Variants in FMN1 observed in about 807,000 individuals in gnomAD.
FMN1 encodes formin 1.
A neutral mutation model predicts 132.4 loss-of-function variants in FMN1; 110 were observed. That is an observed-to-expected ratio of 0.83 (90% CI 0.71 to 0.97). The LOEUF is 0.97. Among genes scored for constraint, FMN1 ranks in the 50% least tolerant of loss-of-function variants. The pLI is 0.00. For synonymous variants in FMN1, 722 were observed against 651.7 expected (o/e 1.11, Z -1.64); for missense variants, 1,792 against 1,705.3 (o/e 1.05, Z -0.90).
intron 19 of FMN1, among the ~76,000 whole-genome samples, chr15:32,788,600 C>G (rs536172878): frequency 7.4e-4 from 113 of 152,298 alleles, no homozygotes; most frequent in African/African-American, 2.6e-3. Flanking sequence ...ACCCAGGCAG[C>G]CCCCTGTTGC....
At chr15:32,934,812 G>A (rs1193670518) in intron 9 of FMN1, among the ~76,000 whole-genome samples, 1 of 151,652 alleles carries the variant, frequency 6.6e-6, no homozygotes, top group African/African-American at 2.4e-5. Context: ...TCACCATGTG[G>A]GCCAGGCTGG....
intron 4 of FMN1, among the ~76,000 whole-genome samples, chr15:33,117,936 GA>G (rs905787620): frequency 3.9e-5 from 6 of 152,118 alleles, no homozygotes; most frequent in Admixed American, 3.3e-4. Flanking sequence ...TGGCAGTACG[GA>G]AGAGAAATAA....
chr15:32,890,797 G>A (rs1279432450), intron 15 of FMN1, among the ~76,000 whole-genome samples: 1 of 152,126 alleles, frequency 6.6e-6, no homozygotes, highest in Non-Finnish European at 1.5e-5. Context: ...TGGGTTCTTG[G>A]TCATGAAATC....
chr15:32,933,432 T>C (rs1312210046), intron 9 of FMN1, among the ~76,000 whole-genome samples: 1 of 152,190 alleles, frequency 6.6e-6, no homozygotes, highest in Admixed American at 6.5e-5. Flanking sequence ...TTGAGAAGAA[T>C]GTGTTTCAAA....
rs559277570 is a variant in FMN1 at position 33,157,869 on chromosome 15, A to G, written c.-131-2824T>C. Among the ~76,000 whole-genome samples, 3 of 151,778 alleles carry G rather than the reference A, an allele frequency of 2.0e-5. No individual in the cohort carries two copies. The South Asian group carries it at 6.3e-4, about 32-fold the overall frequency. ...AGCTGGGAATGTGGTGCAAGCCTGT[A>G]CTCCCAGCTGCTAGTGAGGCTGAGG... On this transcript the variant is annotated intron_variant, in intron 3 of 20. Transcript: ENST00000616417.
At chr15:33,100,335 C>T (rs938654204) in intron 4 of FMN1, among the ~76,000 whole-genome samples, 1 of 151,008 alleles carries the variant, frequency 6.6e-6, no homozygotes, top group Non-Finnish European at 1.5e-5. Flanking sequence ...TAAGATAACA[C>T]AGGGAAGCTA....
In FMN1 at chr15:33,142,845, T is replaced by C. The variant is rs1402427002; in HGVS notation, c.1867+10203A>G. ...TACAGGTCCCTGCCTGGCCTTCTAG[T>C]TCACCAATGTGTTGGGCTATAAAAT... On this transcript the variant is annotated intron_variant, in intron 4 of 20. Transcript: ENST00000616417. Among the ~76,000 whole-genome samples the C allele has an allele frequency of 4.6e-5, 7 of 152,328 alleles. No homozygotes were observed. In the East Asian group the frequency reaches 1.2e-3, roughly 25 times the overall value.
In FMN1 at chr15:33,154,950, G is replaced by A. The variant is rs1273141424; in HGVS notation, c.-36C>T. On this transcript the variant is annotated 5_prime_UTR_variant, in exon 4 of 21. Coordinates refer to ENST00000616417, the MANE Select transcript of FMN1 (RefSeq NM_001277313.2). ...TAATTATTCATGCCTTGGAGATGCC[G>A]GTTTGTGGTCAGGCTTCCCAGGCTC... The A allele has an allele frequency of 4.9e-5, 73 of 1,485,574 alleles. No homozygotes were observed. The highest frequency in any genetic ancestry group is 6.1e-5 in the Non-Finnish European group (68 of 1,119,996). The allele number at this position is 1,485,574 out of a possible 1,614,324, so 92.0% of individuals were successfully genotyped here. A position where few individuals can be genotyped will look rare whatever the true frequency, so the allele number is the denominator to read the frequency against.
At chr15:32,807,105 C>T (rs945585653) in intron 17 of FMN1, among the ~76,000 whole-genome samples, 5 of 152,122 alleles carry the variant, frequency 3.3e-5, no homozygotes, top group Non-Finnish European at 5.9e-5. Flanking sequence ...TTGGATAAAG[C>T]TTGCTTAAAA....
intron 4 of FMN1, among the ~76,000 whole-genome samples, chr15:33,110,411 TA>T (rs778337519): frequency 2.6e-5 from 4 of 152,078 alleles, no homozygotes; most frequent in Non-Finnish European, 4.4e-5. Flanking sequence ...AGACTGGAAA[TA>T]AATGTAAATT....
intron 10 of FMN1, among the ~76,000 whole-genome samples, chr15:32,917,387 A>T (rs2140305171): frequency 6.6e-6 from 1 of 152,356 alleles, no homozygotes; most frequent in Non-Finnish European, 1.5e-5. Flanking sequence ...CTATGCAAGT[A>T]TCCAAATGAG....
chr15:33,067,738 A>G, intron 5 of FMN1: 1 of 1,613,994 alleles, frequency 6.2e-7, no homozygotes, highest in Non-Finnish European at 8.5e-7. Context: ...CCTCTTCTGG[A>G]TTCACAGATT....
At chr15:33,135,368 G>T (rs1963719665) in intron 4 of FMN1, among the ~76,000 whole-genome samples, 1 of 152,136 alleles carries the variant, frequency 6.6e-6, no homozygotes, top group Non-Finnish European at 1.5e-5. Flanking sequence ...TATTGATTTT[G>T]CAATGTTGGT....
intron 15 of FMN1, among the ~76,000 whole-genome samples, chr15:32,898,615 TC>T (rs1567350963): frequency 1.4e-4 from 21 of 152,196 alleles, no homozygotes; most frequent in African/African-American, 5.1e-4. Context: ...TGTGTTATAG[TC>T]GATTGAGACT....
chr15:32,787,418 C>T (rs188155914), intron 19 of FMN1, among the ~76,000 whole-genome samples: 5 of 152,346 alleles, frequency 3.3e-5, no homozygotes, highest in Admixed American at 2.6e-4. Context: ...CGGCCCTGAC[C>T]GCTCTGGCAC....
intron 20 of FMN1, among the ~76,000 whole-genome samples, chr15:32,775,739 T>G (rs2056395616): frequency 6.6e-6 from 1 of 152,238 alleles, no homozygotes; most frequent in East Asian, 1.9e-4. Flanking sequence ...ATGGGGTTGT[T>G]GGGAGAAACA....
chr15:33,012,131 C>G, intron 6 of FMN1: 5 of 474,588 alleles, frequency 1.1e-5, no homozygotes, highest in South Asian at 1.0e-4. Context: ...GTCTGCACAT[C>G]AGAGTCCCTC....
At chr15:33,029,207 G>C (rs981678290) in intron 6 of FMN1, among the ~76,000 whole-genome samples, 3 of 152,024 alleles carry the variant, frequency 2.0e-5, no homozygotes, top group Non-Finnish European at 4.4e-5. Context: ...TCGATTTATA[G>C]CATAGAGAAT....
chr15:33,012,852 A>G, intron 6 of FMN1: 2 of 610,436 alleles, frequency 3.3e-6, no homozygotes, highest in Non-Finnish European at 6.2e-6. Context: ...GCTATAATGA[A>G]TTTGGTAATG....
Sources: gnomAD v4.1 joint callset for allele counts (sites outside exome capture counted in the v4.1 genomes callset) on GRCh38, gnomAD v4.1.1 for gene constraint, MANE v1.5 for transcripts, NCBI Gene and HGNC (gene_info 2026-07-23, HGNC 2026-07-21) for gene names.